The following GRXCR2 variants were observed in gnomAD, a reference collection of about 807,000 sequenced individuals.
The protein encoded by GRXCR2 is glutaredoxin and cysteine rich domain containing 2.
In GRXCR2, 23 loss-of-function variants were observed where a neutral mutation model predicts 24.8. The observed-to-expected ratio is 0.93, with a 90% confidence interval of 0.67 to 1.32. The LOEUF (loss-of-function observed/expected upper bound fraction) is 1.32, where lower values mean the gene tolerates loss of function less well. Among genes scored for constraint, GRXCR2 ranks in the 40% most tolerant of loss-of-function variants. The probability of loss-of-function intolerance (pLI) is 0.00; values close to 1 mark genes in which losing one functional copy is unlikely to be tolerated. For missense variants in GRXCR2, 315 were observed against 303.4 expected (o/e 1.04, Z -0.28); for synonymous variants, 130 against 116.1 (o/e 1.12, Z -0.77).
chr5:145,866,802 A>G (rs1214686064), intron 1 of GRXCR2, 74 bp from the exon 2 acceptor site: 6 of 922,790 alleles, frequency 6.5e-6, no homozygotes, highest in Non-Finnish European at 8.7e-6. Context: ...CCTGTCCAAC[A>G]TACCAGGAAA....
chr5:145,876,191 G>A (rs377470346), upstream of GRXCR2, among the ~76,000 whole-genome samples: 29 of 105,312 alleles, frequency 2.8e-4, no homozygotes, highest in Non-Finnish European at 4.4e-4. Context: ...GTGTGTGTGT[G>A]TATATATATA....
intron 2 of GRXCR2, among the ~76,000 whole-genome samples, chr5:145,861,243 G>A (rs1254500342): frequency 1.3e-5 from 2 of 152,130 alleles, no homozygotes; most frequent in African/African-American, 4.8e-5. Flanking sequence ...TTATTAAGTT[G>A]CCTGCAGTAG....
chr5:145,882,405 C>A (rs1756715949), intron 2 of GRXCR2, among the ~76,000 whole-genome samples: 1 of 152,126 alleles, frequency 6.6e-6, no homozygotes, highest in Non-Finnish European at 1.5e-5. Context: ...ATGCAGCCAA[C>A]AGACACATGA....
downstream of GRXCR2, among the ~76,000 whole-genome samples, chr5:145,858,089 G>A (rs371512874): frequency 9.2e-5 from 14 of 152,210 alleles, no homozygotes; most frequent in East Asian, 2.3e-3. Flanking sequence ...CGAGATGGGC[G>A]GATCACCTGA....
chr5:145,900,316 C>T (rs1757007811), intron 2 of GRXCR2, among the ~76,000 whole-genome samples: 1 of 152,126 alleles, frequency 6.6e-6, no homozygotes, highest in Non-Finnish European at 1.5e-5. Context: ...TAAGATGTGC[C>T]TGCTTCCTCT....
intron 1 of GRXCR2, among the ~76,000 whole-genome samples, chr5:145,871,999 A>G (rs1387267354): frequency 6.6e-6 from 1 of 152,218 alleles, no homozygotes; most frequent in Non-Finnish European, 1.5e-5. Context: ...ACTGGGAAGT[A>G]ATTGAAATTC....
At position 145,872,893 on chromosome 5, in the gene GRXCR2, A is replaced by C. The variant is rs760436164; in HGVS notation, c.76T>G (p.Ser26Ala). The change falls in exon 1 of 3, where the codon TCC becomes GCC. Residue 26 changes from serine to alanine, a missense_variant. Coordinates refer to ENST00000377976, the MANE Select transcript of GRXCR2 (RefSeq NM_001080516.2). ...TGCTTCAATACTCGACCGCTGTAGG[A>C]GGAGGAGATTTTAAATCGTACTTTC... Reference protein sequence around the residue: ...PRKVRFKISSSYSGRVLKQVF... With the variant: ...PRKVRFKISSAYSGRVLKQVF... 6 of 1,614,164 alleles carry C rather than the reference A, an allele frequency of 3.7e-6. No homozygotes were observed. Among genetic ancestry groups the C allele is most frequent in the Non-Finnish European group, 5.1e-6 (6 of 1,180,004 alleles).
intron 2 of GRXCR2, among the ~76,000 whole-genome samples, chr5:145,929,199 C>CCCTATATA (rs373040257): frequency 1.7e-5 from 2 of 116,508 alleles, no homozygotes; most frequent in African/African-American, 6.3e-5. Flanking sequence ...ATATTCCCCC[C>CCCTATATA]TATATATATA....
At chr5:145,930,941 G>A (rs73310120) in intron 2 of GRXCR2, among the ~76,000 whole-genome samples, 3,012 of 152,252 alleles carry the variant, frequency 0.02, 72 homozygotes, top group African/African-American at 0.058. Flanking sequence ...AGAGTAATTC[G>A]CCTAAGTGAT....
upstream of GRXCR2, among the ~76,000 whole-genome samples, chr5:145,875,039 A>G (rs114322799): frequency 0.014 from 2,200 of 152,258 alleles, 54 homozygotes; most frequent in African/African-American, 0.05. Flanking sequence ...CGCCATTCAG[A>G]TGCTTCTCAC....
chr5:145,915,356 G>C (rs1443375190), intron 2 of GRXCR2, among the ~76,000 whole-genome samples: 1 of 152,104 alleles, frequency 6.6e-6, no homozygotes, highest in Non-Finnish European at 1.5e-5. Context: ...CCTTTCCTGA[G>C]GCTATTGTCC....
At chr5:145,923,215 G>A (rs548278023) in intron 2 of GRXCR2, among the ~76,000 whole-genome samples, 4 of 152,058 alleles carry the variant, frequency 2.6e-5, no homozygotes, top group East Asian at 1.9e-4. Flanking sequence ...ATGGTGGTCC[G>A]GGACTACACT....
intron 2 of GRXCR2, among the ~76,000 whole-genome samples, chr5:145,908,616 T>C (rs1757121509): frequency 6.6e-6 from 1 of 152,164 alleles, no homozygotes; most frequent in Non-Finnish European, 1.5e-5. Context: ...CTGAAGCAAA[T>C]TCAGTGTGTA....
At chr5:145,860,418 G>A (rs143050961) in intron 2 of GRXCR2, among the ~76,000 whole-genome samples, 2 of 152,204 alleles carry the variant, frequency 1.3e-5, no homozygotes, top group East Asian at 3.9e-4. Context: ...GTTTGCCAAT[G>A]GTCACACACA....
intron 2 of GRXCR2, among the ~76,000 whole-genome samples, chr5:145,912,165 G>C (rs915540665): frequency 1.3e-5 from 2 of 152,220 alleles, no homozygotes; most frequent in African/African-American, 2.4e-5. Context: ...CTGAGTGCCA[G>C]CTTTGCTCCA....
At chr5:145,886,190 T>A in intron 2 of GRXCR2, among the ~76,000 whole-genome samples, 1 of 152,250 alleles carries the variant, frequency 6.6e-6, no homozygotes, top group Non-Finnish European at 1.5e-5. Flanking sequence ...CTTAGCTACC[T>A]ATGGTGTTGG....
intron 1 of GRXCR2, 112 bp downstream of exon 1, chr5:145,872,521 T>C (rs1348827834): frequency 1.3e-6 from 1 of 791,208 alleles, no homozygotes; most frequent in African/African-American, 1.7e-5. Context: ...CCAACAGTTC[T>C]GGTTGGTACC....
intron 2 of GRXCR2, among the ~76,000 whole-genome samples, chr5:145,924,543 C>A (rs755785444): frequency 3.9e-5 from 6 of 152,070 alleles, no homozygotes; most frequent in Admixed American, 6.6e-5. Flanking sequence ...TGAACGGAAC[C>A]AAAAATAAAA....
At chr5:145,921,662 T>A (rs1346335966) in intron 2 of GRXCR2, among the ~76,000 whole-genome samples, 2 of 152,216 alleles carry the variant, frequency 1.3e-5, no homozygotes, top group African/African-American at 4.8e-5. Flanking sequence ...AATAATGTTA[T>A]GAATGGCTTT....
Sources: gnomAD v4.1 joint callset for allele counts (sites outside exome capture counted in the v4.1 genomes callset) on GRCh38, gnomAD v4.1.1 for gene constraint, MANE v1.5 for transcripts, NCBI Gene and HGNC (gene_info 2026-07-23, HGNC 2026-07-21) for gene names.